Variants in PCDH7 observed in about 807,000 individuals in gnomAD.
PCDH7 encodes protocadherin-7.
In PCDH7, 17 loss-of-function variants were observed where a neutral mutation model predicts 58.9. That is an observed-to-expected ratio of 0.29 (90% CI 0.20 to 0.43). PCDH7 has a LOEUF of 0.43. Among genes scored for constraint, PCDH7 ranks in the 20% least tolerant of loss-of-function variants. The pLI, the probability that PCDH7 is intolerant of heterozygous loss-of-function variation, is 1.00. For synonymous variants in PCDH7, 664 were observed against 616.4 expected, an observed-to-expected ratio of 1.08 and a Z score of -1.14; for missense variants, 1,274 against 1,441.0, an observed-to-expected ratio of 0.88 and a Z score of 1.88.
chr4:30,894,490 A>AATAT (rs1553909430), intron 1 of PCDH7, among the ~76,000 whole-genome samples: 500 of 33,278 alleles, frequency 0.015, 8 homozygotes, highest in Admixed American at 0.03. Context: ...AAAAAAAAAA[A>AATAT]ATATATATAT....
chr4:31,055,291 A>G (rs1480244147), intron 3 of PCDH7, among the ~76,000 whole-genome samples: 1 of 152,204 alleles, frequency 6.6e-6, no homozygotes, highest in Non-Finnish European at 1.5e-5. Context: ...TCTGTTAAAA[A>G]TATTGATTTT....
intron 3 of PCDH7, among the ~76,000 whole-genome samples, chr4:31,018,294 G>A (rs1024509326): frequency 2.0e-5 from 3 of 152,020 alleles, no homozygotes; most frequent in Admixed American, 6.6e-5. Context: ...ATGTAACTTG[G>A]GGAGAAAGAT....
intron 1 of PCDH7, among the ~76,000 whole-genome samples, chr4:30,779,628 A>G (rs1397215233): frequency 1.3e-5 from 2 of 152,228 alleles, no homozygotes; most frequent in Non-Finnish European, 2.9e-5. Flanking sequence ...CATATTTTTC[A>G]TAAAGAGGAA....
chr4:30,988,370 T>TC lies in PCDH7; in HGVS notation c.*7+38155_*7+38156insC, dbSNP rs1751170573. Among the ~76,000 whole-genome samples, 5 of 152,300 alleles carry TC rather than the reference T, an allele frequency of 3.3e-5. No individual in the cohort carries two copies. In the South Asian group the frequency reaches 1.0e-3, roughly 32 times the overall value. ...TAGTTAGATAGATGGGTAGACAGAATAGTCACCTACATACTCTTAGTTATA... is the reference window on the plus strand; with the variant it reads ...TAGTTAGATAGATGGGTAGACAGAATCAGTCACCTACATACTCTTAGTTATA... On this transcript the variant is annotated intron_variant, in intron 3 of 3. Coordinates refer to the PCDH7 transcript ENST00000509759.
chr4:30,722,227 G>A lies in PCDH7; in HGVS notation c.805G>A (p.Glu269Lys). 6.3e-7 allele frequency: 1 copy of A among 1,591,902 alleles called. No individual in the cohort carries two copies. The highest frequency in any genetic ancestry group is 8.5e-7 in the Non-Finnish European group (1 of 1,170,098). ...GATCGTGAAGGGGGCGCTGGACCGCGAGCAGCGCGACTCCTACGAGCTGAC... is the reference window on the plus strand; with the variant it reads ...GATCGTGAAGGGGGCGCTGGACCGCAAGCAGCGCGACTCCTACGAGCTGAC... The change falls in exon 1 of 2, where the codon GAG becomes AAG. Residue 269 changes from glutamate to lysine, a missense_variant. By Grantham distance (56) the Glu-to-Lys change is moderately conservative. This residue lies in a region of PCDH7 where 331 missense variants were observed against 303.2 expected (regional missense o/e 1.09). Transcript: ENST00000361762. The surrounding 1 kb of genome is among the most constrained non-coding windows in gnomAD (Gnocchi z 7.6).
intron 3 of PCDH7, among the ~76,000 whole-genome samples, chr4:30,971,055 T>A (rs1749544806): frequency 6.6e-6 from 1 of 152,192 alleles, no homozygotes; most frequent in Admixed American, 6.5e-5. Flanking sequence ...TCTACTTTTT[T>A]AAAGTTATTA....
chr4:31,118,134 ATC>A (rs1205042623), intron 3 of PCDH7, among the ~76,000 whole-genome samples: 6 of 152,214 alleles, frequency 3.9e-5, no homozygotes, highest in Non-Finnish European at 7.3e-5. Flanking sequence ...TTGAATAAAT[ATC>A]TGAGTGCAAA....
chr4:31,105,380 C>T (rs1271483262), intron 3 of PCDH7, among the ~76,000 whole-genome samples: 2 of 152,130 alleles, frequency 1.3e-5, no homozygotes, highest in Non-Finnish European at 2.9e-5. Context: ...ATGCTAAATT[C>T]TGCCAGGGTA....
intron 1 of PCDH7, among the ~76,000 whole-genome samples, chr4:30,809,591 A>C (rs1577891971): frequency 1.3e-5 from 2 of 152,350 alleles, no homozygotes; most frequent in East Asian, 3.9e-4. Flanking sequence ...ATAGGACAAC[A>C]ATGATTGTCC....
intron 3 of PCDH7, among the ~76,000 whole-genome samples, chr4:31,071,774 C>G (rs753121384): frequency 1.3e-4 from 19 of 151,814 alleles, no homozygotes; most frequent in Admixed American, 4.6e-4. Flanking sequence ...TCCTTTTGTT[C>G]TTTTCAAAAA....
In PCDH7 at chr4:31,011,262, G is replaced by T. The variant is rs1216765228; in HGVS notation, c.*7+61047G>T. Among the ~76,000 whole-genome samples, 7 of 151,990 alleles carry T rather than the reference G, an allele frequency of 4.6e-5. No homozygotes were observed. In the East Asian group the frequency reaches 1.3e-3, roughly 29 times the overall value. On this transcript the variant is annotated intron_variant, in intron 3 of 3. Transcript: ENST00000509759. ...GATACATTAAGCTATTTTATAAGAA[G>T]ATATTAAAGTACTGTGCCGCTGTAA...
chr4:30,863,765 C>CA (rs766792670), intron 1 of PCDH7, among the ~76,000 whole-genome samples: 1 of 152,006 alleles, frequency 6.6e-6, no homozygotes, highest in Non-Finnish European at 1.5e-5. Context: ...TTCATCCACA[C>CA]AAAAAATTCT....
chr4:30,988,432 T>C (rs1418739491), intron 3 of PCDH7, among the ~76,000 whole-genome samples: 1 of 152,214 alleles, frequency 6.6e-6, no homozygotes, highest in Non-Finnish European at 1.5e-5. Context: ...TTAAACAGAA[T>C]TCTCAGTTTA....
chr4:31,100,200 TA>T (rs963753893), intron 3 of PCDH7, among the ~76,000 whole-genome samples: 4 of 152,036 alleles, frequency 2.6e-5, no homozygotes, highest in Admixed American at 6.5e-5. Flanking sequence ...AGTTGAAGGA[TA>T]AAAAAGAAGT....
chr4:30,766,533 G>A (rs1406384599), intron 1 of PCDH7, among the ~76,000 whole-genome samples: 2 of 151,968 alleles, frequency 1.3e-5, no homozygotes, highest in Admixed American at 1.3e-4. Flanking sequence ...ACTGCATTAG[G>A]GGGTAGAAGG....
intron 1 of PCDH7, among the ~76,000 whole-genome samples, chr4:30,813,539 A>G (rs1243819098): frequency 1.3e-5 from 2 of 152,228 alleles, no homozygotes; most frequent in Non-Finnish European, 2.9e-5. Context: ...TATGACTAAT[A>G]GTAGTGCATC....
At chr4:31,059,757 A>G (rs933014061) in intron 3 of PCDH7, among the ~76,000 whole-genome samples, 14 of 151,824 alleles carry the variant, frequency 9.2e-5, no homozygotes, top group Non-Finnish European at 2.1e-4. Context: ...TCAAGAGAAT[A>G]TTTTTCAACA....
chr4:30,883,943 C>T (rs530186372), intron 1 of PCDH7, among the ~76,000 whole-genome samples: 5 of 152,252 alleles, frequency 3.3e-5, no homozygotes, highest in Admixed American at 1.3e-4. Flanking sequence ...AGTATTCCTT[C>T]CTCTTTATTG....
At chr4:30,806,889 C>T (rs1396200818) in intron 1 of PCDH7, among the ~76,000 whole-genome samples, 1 of 152,138 alleles carries the variant, frequency 6.6e-6, no homozygotes, top group Middle Eastern at 3.4e-3. Flanking sequence ...TAGAGTGTCA[C>T]TTGTTTTACC....
Sources: gnomAD v4.1 joint callset for allele counts (sites outside exome capture counted in the v4.1 genomes callset) on GRCh38, gnomAD v4.1.1 for gene constraint, gnomAD v4.1.1 regional missense constraint, Gnocchi (gnomAD v3.1) non-coding constraint, MANE v1.5 for transcripts, NCBI Gene and HGNC (gene_info 2026-07-23, HGNC 2026-07-21) for gene names.